Variants in OLFM3 observed in about 807,000 individuals in gnomAD.
The protein encoded by OLFM3 is noelin-3.
OLFM3 carries 20 observed loss-of-function variants against 48.6 expected under a neutral mutation model. The ratio of observed to expected loss-of-function variants is 0.41; its 90% CI spans 0.29 to 0.60. The LOEUF is 0.60. OLFM3 is among the 20% of genes least tolerant of loss of function. The pLI is 0.28. For synonymous variants in OLFM3, 222 were observed against 198.1 expected (o/e 1.12, Z -1.01); for missense variants, 437 against 544.3 (o/e 0.80, Z 1.96).
intron 1 of OLFM3, among the ~76,000 whole-genome samples, chr1:101,972,871 T>C (rs1441517599): frequency 6.6e-6 from 1 of 152,212 alleles, no homozygotes; most frequent in Non-Finnish European, 1.5e-5. Context: ...AGTGGGTTTA[T>C]AGATCTATCA....
intron 1 of OLFM3, among the ~76,000 whole-genome samples, chr1:101,975,356 T>C (rs79069316): frequency 0.014 from 2,116 of 152,336 alleles, 50 homozygotes; most frequent in African/African-American, 0.048. Flanking sequence ...CTGATGCTTT[T>C]ACTTCTATGG....
chr1:101,955,145 A>C (rs1000610975), intron 1 of OLFM3, among the ~76,000 whole-genome samples: 1 of 152,020 alleles, frequency 6.6e-6, no homozygotes, highest in Admixed American at 6.6e-5. Context: ...TTTTTCTACT[A>C]TGGTACCTAT....
rs1305754353 is a variant in OLFM3 at position 101,933,133 on chromosome 1, C to T, written c.69+63615G>A. ...AGGAGAATGGCATGAACCCGGGAGG[C>T]GGAGCTTGCAGTGAGCTGAGATCAC... On this transcript the variant is annotated intron_variant, in intron 1 of 5. Coordinates refer to ENST00000370103, the MANE Select transcript of OLFM3 (RefSeq NM_058170.4). 3.7e-4 allele frequency among the ~76,000 whole-genome samples: 46 copies of T among 124,426 alleles called. 1 individual carries two copies. In the East Asian group the frequency reaches 9.5e-3, roughly 26 times the overall value. 81.6% of individuals were successfully genotyped at this position (124,426 alleles called of 152,430 possible).
intron 1 of OLFM3, among the ~76,000 whole-genome samples, chr1:101,861,466 T>C (rs1463756556): frequency 6.6e-6 from 1 of 152,242 alleles, no homozygotes; most frequent in Non-Finnish European, 1.5e-5. Flanking sequence ...ACGTTACTAC[T>C]GTCTCAGTGA....
At chr1:101,941,949 C>T (rs1659809157) in intron 1 of OLFM3, among the ~76,000 whole-genome samples, 1 of 152,166 alleles carries the variant, frequency 6.6e-6, no homozygotes, top group Admixed American at 6.5e-5. Flanking sequence ...TTCATCATCT[C>T]ATTTATTATT....
At chr1:101,906,810 T>C (rs1658567858) in intron 1 of OLFM3, among the ~76,000 whole-genome samples, 2 of 152,218 alleles carry the variant, frequency 1.3e-5, no homozygotes, top group South Asian at 4.1e-4. Context: ...GACCAGATTT[T>C]ATACATACAT....
At chr1:101,878,985 C>G (rs1174687559) in intron 1 of OLFM3, among the ~76,000 whole-genome samples, 1 of 151,764 alleles carries the variant, frequency 6.6e-6, no homozygotes, top group African/African-American at 2.4e-5. Context: ...TATTGACCAC[C>G]AATGCTTGTG....
chr1:101,806,246 A>T, intron 4 of OLFM3, 64 bp from the exon 5 acceptor site: 1 of 1,203,234 alleles, frequency 8.3e-7, no homozygotes, highest in Non-Finnish European at 1.2e-6. Flanking sequence ...ACGCATACTC[A>T]CACTAAGAGC....
chr1:101,859,437 G>A lies in OLFM3; in HGVS notation c.70-22412C>T, dbSNP rs563529800. ...GACATGGGCTAGGCACATTACACAG[G>A]ATTTTGTGAATAATTAGATGCAAAG... On this transcript the variant is annotated intron_variant, in intron 1 of 5. Coordinates refer to ENST00000370103, the MANE Select transcript of OLFM3 (RefSeq NM_058170.4). Among the ~76,000 whole-genome samples, 3 of 152,136 alleles carry A rather than the reference G, an allele frequency of 2.0e-5. No individual in the cohort carries two copies. In the South Asian group the frequency reaches 6.2e-4, roughly 32 times the overall value.
At chr1:101,868,254 G>T (rs1322424004) in intron 1 of OLFM3, among the ~76,000 whole-genome samples, 2 of 152,202 alleles carry the variant, frequency 1.3e-5, no homozygotes, top group Non-Finnish European at 2.9e-5. Context: ...AACAGTTGGA[G>T]GGCTCAGAAG....
chr1:101,812,211 T>C (rs894578234), intron 4 of OLFM3, among the ~76,000 whole-genome samples: 1 of 151,958 alleles, frequency 6.6e-6, no homozygotes, highest in Admixed American at 6.6e-5. Flanking sequence ...GGGAGGGATA[T>C]TATTAGGAGA....
intron 1 of OLFM3, among the ~76,000 whole-genome samples, chr1:101,966,553 T>G (rs1660615687): frequency 6.6e-6 from 1 of 152,206 alleles, no homozygotes; most frequent in Admixed American, 6.5e-5. Flanking sequence ...GCGCACTGAT[T>G]GATAAGTATC....
At chr1:101,831,977 A>G (rs979050608) in intron 2 of OLFM3, among the ~76,000 whole-genome samples, 2 of 152,012 alleles carry the variant, frequency 1.3e-5, no homozygotes, top group Non-Finnish European at 2.9e-5. Flanking sequence ...ATCTCAGCTC[A>G]CCACAACCTC....
intron 1 of OLFM3, among the ~76,000 whole-genome samples, chr1:101,924,079 T>C (rs929737419): frequency 5.9e-5 from 9 of 152,190 alleles, no homozygotes; most frequent in Middle Eastern, 3.2e-3. Flanking sequence ...GTAAACCACA[T>C]TAACTTTCTC....
At chr1:101,974,189 AT>A (rs1054629064) in intron 1 of OLFM3, among the ~76,000 whole-genome samples, 2 of 151,526 alleles carry the variant, frequency 1.3e-5, no homozygotes, top group African/African-American at 4.9e-5. Context: ...TTTAACAACT[AT>A]TTTCACCCAC....
At chr1:101,820,459 C>G (rs957614809) in intron 4 of OLFM3, among the ~76,000 whole-genome samples, 2 of 152,062 alleles carry the variant, frequency 1.3e-5, no homozygotes, top group Non-Finnish European at 2.9e-5. Context: ...TTCTGCATAT[C>G]TAGAAATGTG....
rs1372799927 is a variant in OLFM3 at position 101,846,922 on chromosome 1, T to C, written c.70-9897A>G. On this transcript the variant is annotated intron_variant, in intron 1 of 5. Transcript: ENST00000370103. ...AGAGTTTGGGACATCCAGTTTGAGA[T>C]CATTGCCATGGTACTAAGCACAGCG... 1.9e-6 allele frequency: 3 copies of C among 1,612,656 alleles called. No homozygotes were observed. In the African/African-American group the frequency reaches 4.0e-5, roughly 22 times the overall value.
At chr1:101,919,192 AT>A (rs1374201252) in intron 1 of OLFM3, among the ~76,000 whole-genome samples, 1 of 152,186 alleles carries the variant, frequency 6.6e-6, no homozygotes, top group South Asian at 2.1e-4. Context: ...TTTGAAAAAA[AT>A]AATTATTAAA....
At chr1:101,870,709 G>A (rs759768474) in intron 1 of OLFM3, among the ~76,000 whole-genome samples, 1 of 151,934 alleles carries the variant, frequency 6.6e-6, no homozygotes, top group Non-Finnish European at 1.5e-5. Flanking sequence ...AGATAATGGG[G>A]GTCTTTTTTT....
Sources: allele counts gnomAD v4.1 joint callset (sites outside exome capture counted in the v4.1 genomes callset), GRCh38; gene constraint gnomAD v4.1.1; transcripts MANE v1.5; gene names NCBI Gene and HGNC (gene_info 2026-07-23, HGNC 2026-07-21).